AGFG1: variants seen among roughly 807,000 people sequenced by gnomAD.
The protein encoded by AGFG1 is ArfGAP with FG repeats 1, also known as arf-GAP domain and FG repeat-containing protein 1.
A neutral mutation model predicts 60.6 loss-of-function variants in AGFG1; 10 were observed. That is an observed-to-expected ratio of 0.16 (90% CI 0.10 to 0.28). The LOEUF is 0.28. AGFG1 is among the 10% of genes least tolerant of loss of function. The probability of loss-of-function intolerance (pLI) is 1.00; values close to 1 mark genes in which losing one functional copy is unlikely to be tolerated. For missense variants in AGFG1, 537 were observed against 676.5 expected (o/e 0.79, Z 2.29); for synonymous variants, 247 against 242.9 (o/e 1.02, Z -0.16).
At chr2:227,551,610 A>C (rs1268044080) in intron 10 of AGFG1, among the ~76,000 whole-genome samples, 1 of 152,202 alleles carries the variant, frequency 6.6e-6, no homozygotes, top group Non-Finnish European at 1.5e-5. Flanking sequence ...AAAACTAAAA[A>C]CAAAAATGTA....
At position 227,501,517 on chromosome 2, in the gene AGFG1, C is replaced by T. The variant is rs1180569123; in HGVS notation, c.261+9877C>T. 2.0e-5 allele frequency among the ~76,000 whole-genome samples: 3 copies of T among 152,248 alleles called. No homozygotes were observed. In the East Asian group the frequency reaches 5.8e-4, roughly 29 times the overall value. ...TTGCTTCCAATTTGGTAATCCAAAG[C>T]CCTATACAAATATACACATAAACAT... is the stretch of plus-strand genomic sequence containing the variant. On this transcript the variant is annotated intron_variant, in intron 2 of 12. Coordinates refer to ENST00000310078, the MANE Select transcript of AGFG1 (RefSeq NM_004504.5).
chr2:227,481,863 C>CTTTT (rs769166509), intron 1 of AGFG1, among the ~76,000 whole-genome samples: 37 of 117,570 alleles, frequency 3.1e-4, no homozygotes, highest in Non-Finnish European at 3.9e-4. Context: ...TTGTCCACTA[C>CTTTT]TTTTTTTTTT....
At chr2:227,492,467 A>G (rs1690848729) in intron 2 of AGFG1, among the ~76,000 whole-genome samples, 1 of 151,994 alleles carries the variant, frequency 6.6e-6, no homozygotes, top group Non-Finnish European at 1.5e-5. Context: ...TCCTTAATAA[A>G]CATAAAGTAA....
At chr2:227,540,654 G>A (rs11694178) in intron 10 of AGFG1, among the ~76,000 whole-genome samples, 7,426 of 152,136 alleles carry the variant, frequency 0.049, 253 homozygotes, top group African/African-American at 0.1. Flanking sequence ...CGCAGTAAAC[G>A]TACGTGTGCA....
chr2:227,514,839 A>G (rs1691607315), intron 2 of AGFG1, among the ~76,000 whole-genome samples: 1 of 151,594 alleles, frequency 6.6e-6, no homozygotes. Context: ...TTAGCCCCTC[A>G]CCCCCACTTT....
chr2:227,533,424 CATTGATTTTA>C, intron 6 of AGFG1, 115 bp from the exon 7 acceptor site: 1 of 855,614 alleles, frequency 1.2e-6, no homozygotes, highest in Non-Finnish European at 1.8e-6. Flanking sequence ...CATTGCCAGT[CATTGATTTTA>C]ATGTTGTAAG....
chr2:227,497,596 T>C (rs1008767462), intron 2 of AGFG1, among the ~76,000 whole-genome samples: 1 of 152,092 alleles, frequency 6.6e-6, no homozygotes. Flanking sequence ...TTATTGCTCT[T>C]AGTTTCTTCT....
Position 227,559,583 on chromosome 2 carries a change from G to T in AGFG1, c.*5088G>T, listed in dbSNP as rs1213895999. On this transcript the variant is annotated 3_prime_UTR_variant, in exon 13 of 13. Coordinates refer to ENST00000310078, the MANE Select transcript of AGFG1 (RefSeq NM_004504.5). ...TGTGATTTGAGCTTTTATAAAAAAA[G>T]ATAAGTGATCCTAGATAAAATATTT... The T allele has an allele frequency of 1.3e-5, 2 of 152,118 alleles. No individual in the cohort carries two copies. Among genetic ancestry groups the T allele is most frequent in the African/African-American group, 4.8e-5 (2 of 41,440 alleles). 9.4% of individuals were successfully genotyped at this position (152,118 alleles called of 1,614,324 possible).
At chr2:227,489,560 T>G (rs149930254) in intron 1 of AGFG1, among the ~76,000 whole-genome samples, 1,822 of 152,214 alleles carry the variant, frequency 0.012, 27 homozygotes, top group African/African-American at 0.022. Flanking sequence ...TTCGGTTACT[T>G]AGTTCTTCTT....
rs1692958260 is a variant in AGFG1, at chr2:227,555,882, T to A, written c.*1387T>A. 1 of 152,134 alleles carries A rather than the reference T, an allele frequency of 6.6e-6. No individual in the cohort carries two copies. The highest frequency in any genetic ancestry group is 2.1e-4 in the South Asian group (1 of 4,826). The allele number at this position is 152,134 out of a possible 1,614,324, so 9.4% of individuals were successfully genotyped here. A position where few individuals can be genotyped will look rare whatever the true frequency, so the allele number is the denominator to read the frequency against. On this transcript the variant is annotated 3_prime_UTR_variant, in exon 13 of 13. Transcript: ENST00000310078. ...TGTGTGTTAGAGCTTATGCATTTGT[T>A]TTTATGAGAGATTTTAATAAATTTA...
intron 2 of AGFG1, among the ~76,000 whole-genome samples, chr2:227,493,676 T>C (rs1690887874): frequency 6.6e-6 from 1 of 152,240 alleles, no homozygotes; most frequent in African/African-American, 2.4e-5. Context: ...CTCAAAGCAC[T>C]TACCATGACA....
At chr2:227,522,796 A>G (rs1691862130) in intron 3 of AGFG1, among the ~76,000 whole-genome samples, 1 of 152,184 alleles carries the variant, frequency 6.6e-6, no homozygotes, top group African/African-American at 2.4e-5. Flanking sequence ...ATAATCCCAC[A>G]CCTAGAGGTC....
At chr2:227,533,950 C>G (rs895705289) in intron 7 of AGFG1, among the ~76,000 whole-genome samples, 192 bp downstream of exon 7, 5 of 152,062 alleles carry the variant, frequency 3.3e-5, no homozygotes, top group African/African-American at 1.2e-4. Flanking sequence ...AAACTGAAGA[C>G]ATAGGGACTG....
Position 227,497,723 on chromosome 2 carries a change from CT to C in AGFG1, c.261+6086del, listed in dbSNP as rs1559173418. 5.0e-3 allele frequency among the ~76,000 whole-genome samples: 400 copies of C among 80,242 alleles called. 8 individuals are homozygous for C. The highest frequency in any genetic ancestry group is 0.033 in the Middle Eastern group (5 of 152). 52.6% of individuals were successfully genotyped at this position (80,242 alleles called of 152,430 possible). A position where few individuals can be genotyped will look rare whatever the true frequency, so the allele number is the denominator to read the frequency against. On this transcript the variant is annotated intron_variant, in intron 2 of 12. Transcript: ENST00000310078. ...CAAGCATATATAGCCAAATGAGTTT[CT>C]TTCTTGTTTTGTTTTTTTTTTTTTT...
intron 2 of AGFG1, among the ~76,000 whole-genome samples, chr2:227,514,889 T>G (rs571659065): frequency 6.6e-6 from 1 of 152,324 alleles, no homozygotes; most frequent in South Asian, 2.1e-4. Context: ...ATCTTCTTGT[T>G]GCAGTCATAC....
rs1293775739 is a variant in AGFG1 at position 227,534,874 on chromosome 2, A to G, written c.1054A>G (p.Thr352Ala). 1 of 1,613,784 alleles carries G rather than the reference A, an allele frequency of 6.2e-7. No homozygotes were observed. Among genetic ancestry groups the G allele is most frequent in the Non-Finnish European group, 8.5e-7 (1 of 1,179,796 alleles). ...GGDQGSGFGT[T>A]GKAPVGSVVS... ...TGATCAGGGAAGTGGCTTTGGGACC[A>G]CAGGTAAAGCTCCTGTTGGTTCTGT... Residue 352 changes from threonine to alanine, a missense_variant, in exon 8 of 13, where the codon ACA becomes GCA. Around this residue, in one of 4 missense-constraint regions of AGFG1, gnomAD observed 287 missense variants for 343.6 expected, o/e 0.84. Coordinates refer to ENST00000310078, the MANE Select transcript of AGFG1 (RefSeq NM_004504.5).
At chr2:227,532,164 A>G in intron 6 of AGFG1, 1 of 1,548,558 alleles carries the variant, frequency 6.5e-7, no homozygotes, top group Non-Finnish European at 8.7e-7. Context: ...ATCTAGCTGC[A>G]GTTTTGGTGA....
At chr2:227,500,499 T>C (rs1691121237) in intron 2 of AGFG1, among the ~76,000 whole-genome samples, 1 of 152,142 alleles carries the variant, frequency 6.6e-6, no homozygotes, top group Non-Finnish European at 1.5e-5. Flanking sequence ...CTGTCCTAGG[T>C]AGCTACAGCA....
At chr2:227,522,159 C>G (rs1192826445) in intron 3 of AGFG1, among the ~76,000 whole-genome samples, 6 of 152,116 alleles carry the variant, frequency 3.9e-5, no homozygotes, top group African/African-American at 7.2e-5. Flanking sequence ...AAATCACTTT[C>G]TGTGTTATAC....
Sources: gnomAD v4.1 joint callset for allele counts (sites outside exome capture counted in the v4.1 genomes callset) on GRCh38, gnomAD v4.1.1 for gene constraint, gnomAD v4.1.1 regional missense constraint, MANE v1.5 for transcripts, NCBI Gene and HGNC (gene_info 2026-07-23, HGNC 2026-07-21) for gene names.